PTPN21: variants seen among roughly 807,000 people sequenced by gnomAD.
PTPN21 encodes the protein protein tyrosine phosphatase non-receptor type 21.
A neutral mutation model predicts 131.8 loss-of-function variants in PTPN21; 77 were observed. That is an observed-to-expected ratio of 0.58 (90% CI 0.49 to 0.71). The LOEUF is 0.71. Ranked by LOEUF, PTPN21 falls within the 30% of genes least tolerant of loss-of-function variation. The pLI is 0.00. For missense variants in PTPN21, 1,552 were observed against 1,527.1 expected, an observed-to-expected ratio of 1.02 and a Z score of -0.27; for synonymous variants, 715 against 621.3, an observed-to-expected ratio of 1.15 and a Z score of -2.24.
chr14:88,496,601 A>T (rs1322260724), intron 9 of PTPN21, 109 bp from the exon 10 acceptor site: 1 of 810,886 alleles, frequency 1.2e-6, no homozygotes, highest in African/African-American at 1.7e-5. Context: ...TGACAAAGTC[A>T]CTTTCAGAAC....
intron 3 of PTPN21, chr14:88,512,691 G>C (rs1350206997): frequency 6.6e-6 from 1 of 152,190 alleles, no homozygotes; most frequent in Non-Finnish European, 1.5e-5. Flanking sequence ...GCCACATGTG[G>C]CTATTCAGTA....
intron 6 of PTPN21, among the ~76,000 whole-genome samples, chr14:88,501,699 C>G (rs985247535): frequency 2.0e-4 from 31 of 152,102 alleles, no homozygotes; most frequent in African/African-American, 7.0e-4. Context: ...AATATCAGGG[C>G]TGGGCATGGT....
chr14:88,552,197 C>A (rs1165592351), intron 1 of PTPN21: 1 of 152,264 alleles, frequency 6.6e-6, no homozygotes, highest in Non-Finnish European at 1.5e-5. Context: ...ATCCCAAATT[C>A]CACAGTCCCA....
intron 4 of PTPN21, 50 bp downstream of exon 4, chr14:88,507,873 A>G: frequency 8.5e-7 from 1 of 1,173,502 alleles, no homozygotes; most frequent in South Asian, 1.4e-5. Context: ...TTTTGTTGTA[A>G]CACATTTTAA....
intron 2 of PTPN21, among the ~76,000 whole-genome samples, chr14:88,544,290 A>G (rs1469702764): frequency 6.6e-6 from 1 of 152,134 alleles, no homozygotes; most frequent in Non-Finnish European, 1.5e-5. Context: ...AGTTGCTGTG[A>G]GCCGAGATCG....
intron 13 of PTPN21, among the ~76,000 whole-genome samples, chr14:88,474,987 G>A (rs1022473927): frequency 2.0e-5 from 3 of 152,122 alleles, no homozygotes; most frequent in Admixed American, 6.5e-5. Flanking sequence ...AGCTACTCGG[G>A]AGGCTGAGGC....
chr14:88,468,072 G>A lies in PTPN21; in HGVS notation c.*65C>T, dbSNP rs954094050. 8.3e-6 allele frequency: 13 copies of A among 1,569,976 alleles called. No individual in the cohort carries two copies. Among genetic ancestry groups the A allele is most frequent in the Admixed American group, 1.7e-5 (1 of 57,948 alleles). On this transcript the variant is annotated 3_prime_UTR_variant, in exon 19 of 19. Coordinates refer to ENST00000556564, the MANE Select transcript of PTPN21 (RefSeq NM_007039.4). Reference sequence around the variant, plus strand: ...GTGTCAACGGGAAAGTATGAGTTAGGCAAGCGCTTTTTTTTTAAGCTGTAA... The same window carrying A: ...GTGTCAACGGGAAAGTATGAGTTAGACAAGCGCTTTTTTTTTAAGCTGTAA...
At chr14:88,495,346 G>A (rs911157699) in intron 10 of PTPN21, among the ~76,000 whole-genome samples, 39 of 152,130 alleles carry the variant, frequency 2.6e-4, no homozygotes, top group African/African-American at 8.2e-4. Flanking sequence ...CTAAATGCTT[G>A]CGGTAGGATG....
chr14:88,499,815 C>G lies in PTPN21; in HGVS notation c.764+968G>C, dbSNP rs1366832673. Reference sequence around the variant, plus strand: ...CATGAACTTTGGGTTTTCCAGATAACAGATTTTAAGGAATTAAAGGTAGGG... The same window carrying G: ...CATGAACTTTGGGTTTTCCAGATAAGAGATTTTAAGGAATTAAAGGTAGGG... On this transcript the variant is annotated intron_variant, in intron 8 of 18. Transcript: ENST00000556564. Among the ~76,000 whole-genome samples, 3 of 152,070 alleles carry G rather than the reference C, an allele frequency of 2.0e-5. No homozygotes were observed. In the East Asian group the frequency reaches 5.8e-4, roughly 29 times the overall value.
intron 14 of PTPN21, 80 bp from the exon 15 acceptor site, chr14:88,472,545 T>C: frequency 1.1e-6 from 1 of 903,140 alleles, no homozygotes; most frequent in South Asian, 1.6e-5. Flanking sequence ...TGAAATCTTG[T>C]TTTCTGCTTC....
chr14:88,469,400 TGAGA>T lies in PTPN21; in HGVS notation c.3235+95_3235+98del. The T allele has an allele frequency of 1.9e-6, 2 of 1,063,780 alleles. No homozygotes were observed. Among genetic ancestry groups the T allele is most frequent in the Non-Finnish European group, 2.8e-6 (2 of 721,198 alleles). The allele number at this position is 1,063,780 out of a possible 1,614,324, so 65.9% of individuals were successfully genotyped here. A position where few individuals can be genotyped will look rare whatever the true frequency, so the allele number is the denominator to read the frequency against. ...TGTTAAAACAAGTCCGAAGCTTATATGAGATAACATAAAGGAAATATTTCGGAAA... is the reference window on the plus strand; with the variant it reads ...TGTTAAAACAAGTCCGAAGCTTATATTAACATAAAGGAAATATTTCGGAAA... On this transcript the variant is annotated intron_variant, in intron 17 of 18. Transcript: ENST00000556564. The surrounding 1 kb of genome is among the most constrained non-coding windows in gnomAD (Gnocchi z 4.3).
intron 10 of PTPN21, among the ~76,000 whole-genome samples, chr14:88,489,299 AG>A (rs1322190328): frequency 6.6e-6 from 1 of 152,148 alleles, no homozygotes; most frequent in Non-Finnish European, 1.5e-5. Flanking sequence ...ATACGATGTA[AG>A]GGAGTTAAGA....
intron 3 of PTPN21, among the ~76,000 whole-genome samples, chr14:88,509,212 G>C (rs980437318): frequency 5.9e-5 from 9 of 152,106 alleles, no homozygotes; most frequent in African/African-American, 2.2e-4. Context: ...AATTACTGGG[G>C]TCTATTATAT....
intron 2 of PTPN21, among the ~76,000 whole-genome samples, chr14:88,521,771 C>T (rs1353056704): frequency 6.6e-6 from 1 of 152,060 alleles, no homozygotes; most frequent in East Asian, 1.9e-4. Flanking sequence ...AATACATTAA[C>T]TTCCCCTTTA....
In PTPN21 at chr14:88,485,098, T is replaced by C. The variant is rs987847673; in HGVS notation, c.1056A>G (p.Thr352=). 5 of 1,606,302 alleles carry C rather than the reference T, an allele frequency of 3.1e-6. No homozygotes were observed. Among genetic ancestry groups the C allele is most frequent in the African/African-American group, 1.3e-5 (1 of 74,810 alleles). ...TACCTTGGGAAGAAGCATATGGTTC[T>C]GTATAATGTCCATTATAGTGCAACT... ...PPQLHYNGHY[T]EPYASSQDNL... is the part of the protein sequence containing the mutation. Residue 352 remains threonine, a synonymous_variant, in exon 12 of 19, where the codon ACA becomes ACG. Coordinates refer to ENST00000556564, the MANE Select transcript of PTPN21 (RefSeq NM_007039.4).
chr14:88,529,010 T>C (rs974394450), intron 2 of PTPN21, among the ~76,000 whole-genome samples: 3 of 152,230 alleles, frequency 2.0e-5, no homozygotes, highest in African/African-American at 7.2e-5. Context: ...CTTGCAGTAC[T>C]ACGTTGAAGA....
chr14:88,471,596 A>G (rs2077469725), intron 15 of PTPN21, among the ~76,000 whole-genome samples: 1 of 15,894 alleles, frequency 6.3e-5, no homozygotes. Flanking sequence ...GCACTTCTTC[A>G]AAGAAAAAAA....
intron 13 of PTPN21, among the ~76,000 whole-genome samples, chr14:88,477,631 T>G (rs2140093823): frequency 6.6e-6 from 1 of 152,202 alleles, no homozygotes; most frequent in Non-Finnish European, 1.5e-5. Context: ...ACACTTGAGA[T>G]GAGCCGTCCT....
chr14:88,513,393 G>C (rs1276402977), intron 3 of PTPN21: 7 of 152,300 alleles, frequency 4.6e-5, no homozygotes, highest in Non-Finnish European at 8.8e-5. Context: ...TCAAACTCCT[G>C]ACCTCAAGTG....
Sources: gnomAD v4.1 joint callset for allele counts (sites outside exome capture counted in the v4.1 genomes callset) on GRCh38, gnomAD v4.1.1 for gene constraint, Gnocchi (gnomAD v3.1) non-coding constraint, MANE v1.5 for transcripts, NCBI Gene and HGNC (gene_info 2026-07-23, HGNC 2026-07-21) for gene names.